Variants in CACNA1C observed in about 807,000 individuals in gnomAD.
CACNA1C encodes calcium voltage-gated channel subunit alpha1 C.
CACNA1C carries 30 observed loss-of-function variants against 229.0 expected under a neutral mutation model. The observed-to-expected ratio is 0.13, with a 90% CI of 0.10 to 0.18. The LOEUF (loss-of-function observed/expected upper bound fraction) is 0.18. CACNA1C is among the 10% of genes least tolerant of loss of function. The pLI is 1.00. For missense variants in CACNA1C, 1,658 were observed against 2,845.0 expected, an observed-to-expected ratio of 0.58 and a Z score of 9.49; for synonymous variants, 1,114 against 1,132.5, an observed-to-expected ratio of 0.98 and a Z score of 0.33.
intron 15 of CACNA1C, among the ~76,000 whole-genome samples, 158 bp from the exon 16 acceptor site, chr12:2,584,345 G>A (rs1054980447): frequency 3.3e-5 from 5 of 152,068 alleles, no homozygotes; most frequent in African/African-American, 4.8e-5. Flanking sequence ...GGAAGGGGAG[G>A]GGAGGAACAC....
At chr12:2,428,538 C>CGT (rs2099053918) in intron 3 of CACNA1C, among the ~76,000 whole-genome samples, 1 of 152,176 alleles carries the variant, frequency 6.6e-6, no homozygotes, top group Admixed American at 6.5e-5. Flanking sequence ...CTGAGTGCCC[C>CGT]GTGTGTGTGG....
At chr12:2,569,060 G>A (rs1341705800) in intron 13 of CACNA1C, among the ~76,000 whole-genome samples, 2 of 152,142 alleles carry the variant, frequency 1.3e-5, no homozygotes, top group African/African-American at 4.8e-5. Context: ...TCTAGCCACT[G>A]TAAAGGGCTG....
At chr12:2,246,033 G>A (rs1238285647) in intron 3 of CACNA1C, among the ~76,000 whole-genome samples, 6 of 152,174 alleles carry the variant, frequency 3.9e-5, no homozygotes, top group Non-Finnish European at 7.3e-5. Context: ...TTTGTGCGTG[G>A]TACACCCATG....
At chr12:2,185,668 A>G (rs1400444914) in intron 3 of CACNA1C, among the ~76,000 whole-genome samples, 1 of 152,206 alleles carries the variant, frequency 6.6e-6, no homozygotes, top group Non-Finnish European at 1.5e-5. Context: ...CTCATGAGAC[A>G]TCCACCCTGC....
intron 1 of CACNA1C, among the ~76,000 whole-genome samples, chr12:2,017,203 A>G (rs2045544810): frequency 6.6e-6 from 1 of 152,194 alleles, no homozygotes; most frequent in Non-Finnish European, 1.5e-5. Context: ...GGCCTACATG[A>G]GACTGGGATG....
At chr12:2,169,774 C>T (rs1432824032) in intron 3 of CACNA1C, among the ~76,000 whole-genome samples, 1 of 152,200 alleles carries the variant, frequency 6.6e-6, no homozygotes, top group Non-Finnish European at 1.5e-5. Flanking sequence ...TGTCTCCTGC[C>T]TCCTTGACTC....
chr12:2,500,475 G>T (rs2099757015), intron 7 of CACNA1C, among the ~76,000 whole-genome samples: 1 of 152,236 alleles, frequency 6.6e-6, no homozygotes, highest in Non-Finnish European at 1.5e-5. Flanking sequence ...TGAGGAACTA[G>T]TGAGGAAAGA....
upstream of CACNA1C, among the ~76,000 whole-genome samples, chr12:2,048,920 T>A (rs1485717249): frequency 1.3e-5 from 2 of 152,112 alleles, no homozygotes; most frequent in African/African-American, 2.4e-5. Context: ...CTGTCAACAC[T>A]TTTTTTCCCC....
In CACNA1C at chr12:2,664,976, C is replaced by T; in HGVS notation, c.4384C>T (p.Leu1462Phe). Reference protein sequence around the residue: ...AVFYFISFYMLCAFLIINLFV... With the variant: ...AVFYFISFYMFCAFLIINLFV... ...CTTCTACTTCATCAGCTTCTACATG[C>T]TCTGTGCCTTCCTGGTAAGCCAAGG... The change falls in exon 35 of 47, where the codon CTC (leucine) becomes TTC (phenylalanine). Residue 1462 changes from leucine to phenylalanine, a missense_variant. Coordinates refer to ENST00000399655, the MANE Select transcript of CACNA1C (RefSeq NM_000719.7). 6.2e-7 allele frequency: 1 copy of T among 1,614,184 alleles called. No homozygotes were observed. Among genetic ancestry groups the T allele is most frequent in the Non-Finnish European group, 8.5e-7 (1 of 1,180,008 alleles).
chr12:2,439,592 C>T (rs1400917660), intron 3 of CACNA1C, among the ~76,000 whole-genome samples: 1 of 152,020 alleles, frequency 6.6e-6, no homozygotes, highest in Non-Finnish European at 1.5e-5. Context: ...GGAGGCAAGT[C>T]AGGCCCACAC....
At chr12:2,004,296 G>C in intron 1 of CACNA1C, 1 of 1,613,186 alleles carries the variant, frequency 6.2e-7, no homozygotes, top group East Asian at 2.2e-5. Context: ...TCGTTGGCCC[G>C]ATGGCCGAAG....
intron 3 of CACNA1C, among the ~76,000 whole-genome samples, chr12:2,128,131 T>C (rs2090877265): frequency 6.6e-6 from 1 of 152,124 alleles, no homozygotes; most frequent in African/African-American, 2.4e-5. Context: ...TTATTTCAGA[T>C]AAGAAAGTAA....
intron 3 of CACNA1C, among the ~76,000 whole-genome samples, chr12:2,135,892 G>A (rs952662074): frequency 5.4e-5 from 8 of 148,616 alleles, no homozygotes; most frequent in South Asian, 2.1e-4. Flanking sequence ...AATGGCGGGC[G>A]CCCCTCCCCC....
chr12:2,153,720 C>G (rs2095412875), intron 3 of CACNA1C, among the ~76,000 whole-genome samples: 1 of 152,166 alleles, frequency 6.6e-6, no homozygotes, highest in South Asian at 2.1e-4. Flanking sequence ...GTGGGGCAGC[C>G]CTCTTGGGGA....
intron 3 of CACNA1C, among the ~76,000 whole-genome samples, chr12:2,341,563 C>T (rs1038042331): frequency 3.1e-4 from 47 of 152,306 alleles, no homozygotes; most frequent in African/African-American, 1.1e-3. Context: ...GGCAGCCTCC[C>T]GCGGAGCCCT....
chr12:2,437,525 C>T (rs561010797), intron 3 of CACNA1C, among the ~76,000 whole-genome samples: 2 of 152,340 alleles, frequency 1.3e-5, no homozygotes. Context: ...TCTGTTTGCT[C>T]ATCTCTATAT....
At chr12:2,004,013 G>A (rs1346720808) in intron 1 of CACNA1C, among the ~76,000 whole-genome samples, 2 of 152,006 alleles carry the variant, frequency 1.3e-5, no homozygotes, top group African/African-American at 4.8e-5. Flanking sequence ...GGCTCTTATG[G>A]TGCCGTACCC....
At chr12:2,499,915 A>G (rs1001752432) in intron 7 of CACNA1C, among the ~76,000 whole-genome samples, 1 of 152,082 alleles carries the variant, frequency 6.6e-6, no homozygotes, top group East Asian at 1.9e-4. Flanking sequence ...AGAGCCACCC[A>G]GCTTTGTGTG....
chr12:2,634,484 ATTT>A, intron 30 of CACNA1C, 104 bp downstream of exon 30: 1 of 319,988 alleles, frequency 3.1e-6, no homozygotes. Flanking sequence ...CCACCTTCTT[ATTT>A]TTTTTTTTTA....
Sources: allele counts gnomAD v4.1 joint callset (sites outside exome capture counted in the v4.1 genomes callset), GRCh38; gene constraint gnomAD v4.1.1; transcripts MANE v1.5; gene names NCBI Gene and HGNC (gene_info 2026-07-23, HGNC 2026-07-21).